Variants in DTL observed in about 807,000 individuals in gnomAD.
The protein encoded by DTL is denticleless E3 ubiquitin protein ligase adapter.
A neutral mutation model predicts 87.0 loss-of-function variants in DTL; 46 were observed. The ratio of observed to expected loss-of-function variants is 0.53; its 90% CI spans 0.42 to 0.68. The LOEUF (loss-of-function observed/expected upper bound fraction) is 0.68. Ranked by LOEUF, DTL falls within the 30% of genes least tolerant of loss-of-function variation. The probability of loss-of-function intolerance (pLI) is 0.00; values close to 1 mark genes in which losing one functional copy is unlikely to be tolerated. For synonymous variants in DTL, 308 were observed against 311.2 expected, an observed-to-expected ratio of 0.99 and a Z score of 0.11; for missense variants, 737 against 869.4, an observed-to-expected ratio of 0.85 and a Z score of 1.91.
chr1:212,060,878 A>G (rs1394654470), intron 5 of DTL, among the ~76,000 whole-genome samples: 1 of 152,218 alleles, frequency 6.6e-6, no homozygotes, highest in Non-Finnish European at 1.5e-5. Context: ...AGAACTCAAA[A>G]GCACAGACAA....
intron 13 of DTL, among the ~76,000 whole-genome samples, chr1:212,091,512 A>G (rs1363178851): frequency 6.6e-6 from 1 of 152,254 alleles, no homozygotes; most frequent in African/African-American, 2.4e-5. Flanking sequence ...TGTTCACTGC[A>G]GCACTATTCA....
intron 5 of DTL, among the ~76,000 whole-genome samples, chr1:212,056,199 C>A (rs1457195249): frequency 2.0e-5 from 3 of 152,218 alleles, no homozygotes; most frequent in Admixed American, 1.3e-4. Context: ...CAAGAATCTA[C>A]CTGCCTGGAT....
At chr1:212,056,709 G>A (rs79259228) in intron 5 of DTL, among the ~76,000 whole-genome samples, 8,740 of 152,192 alleles carry the variant, frequency 0.057, 278 homozygotes, top group Non-Finnish European at 0.073. Context: ...GAAGCTCAGT[G>A]AGAGAAAAGA....
At chr1:212,093,096 G>T (rs1005388606) in intron 13 of DTL, among the ~76,000 whole-genome samples, 7 of 151,962 alleles carry the variant, frequency 4.6e-5, no homozygotes, top group Non-Finnish European at 1.0e-4. Context: ...GGATTATTTG[G>T]TTTTTTTTCC....
chr1:212,075,942 A>G (rs1490231049), intron 11 of DTL, among the ~76,000 whole-genome samples: 1 of 152,196 alleles, frequency 6.6e-6, no homozygotes, highest in African/African-American at 2.4e-5. Context: ...TATTCTAGAC[A>G]TTTCATATAA....
intron 3 of DTL, among the ~76,000 whole-genome samples, chr1:212,045,924 T>TTTGTTG (rs10636026): frequency 0.018 from 2,662 of 150,742 alleles, 24 homozygotes; most frequent in Non-Finnish European, 0.022. Context: ...TGTTTTTGGT[T>TTTGTTG]TTGTTGTTGT....
At position 212,104,656 on chromosome 1, in the gene DTL, C is replaced by A. The variant is rs1481533716; in HGVS notation, c.*1716C>A. On this transcript the variant is annotated 3_prime_UTR_variant, in exon 15 of 15. Coordinates refer to ENST00000366991, the MANE Select transcript of DTL (RefSeq NM_016448.4). ...GTATCCCTACCCATCTCCTGGCAGCCCTACTGAGTGAAATTGGGATACATT... is the reference window on the plus strand; with the variant it reads ...GTATCCCTACCCATCTCCTGGCAGCACTACTGAGTGAAATTGGGATACATT... 5 of 152,060 alleles carry A rather than the reference C, an allele frequency of 3.3e-5. No individual in the cohort carries two copies. The highest frequency in any genetic ancestry group is 1.2e-4 in the African/African-American group (5 of 41,396). 9.4% of individuals were successfully genotyped at this position (152,060 alleles called of 1,614,324 possible).
intron 1 of DTL, 30 bp from the exon 2 acceptor site, chr1:212,042,963 G>A (rs371654574): frequency 9.9e-5 from 155 of 1,563,688 alleles, no homozygotes; most frequent in African/African-American, 4.4e-4. Flanking sequence ...ATGCTGTATT[G>A]GAATTCTATA....
Position 212,037,732 on chromosome 1 carries a change from G to A in DTL, c.52+1790G>A, listed in dbSNP as rs377166877. 3.2e-4 allele frequency among the ~76,000 whole-genome samples: 48 copies of A among 152,330 alleles called. 1 individual carries two copies. The highest frequency in any genetic ancestry group is 9.9e-4 in the African/African-American group (41 of 41,574). On this transcript the variant is annotated intron_variant, in intron 1 of 14. Transcript: ENST00000366991. Reference sequence around the variant, plus strand: ...GTGAGATAATTATCCAAGTTTTGGTGTATCAGCGAGTGACCTCGGTCATAG... The same window carrying A: ...GTGAGATAATTATCCAAGTTTTGGTATATCAGCGAGTGACCTCGGTCATAG...
intron 13 of DTL, among the ~76,000 whole-genome samples, chr1:212,081,850 T>C (rs1654998090): frequency 1.3e-5 from 2 of 152,132 alleles, no homozygotes; most frequent in African/African-American, 2.4e-5. Context: ...ACAGCTGGAG[T>C]TCCATTTGGA....
At chr1:212,053,838 A>G (rs1210048551) in intron 5 of DTL, among the ~76,000 whole-genome samples, 1 of 152,206 alleles carries the variant, frequency 6.6e-6, no homozygotes, top group African/African-American at 2.4e-5. Flanking sequence ...ATGGTTATGT[A>G]TCCTTTACAA....
chr1:212,081,561 G>C (rs532685649), intron 13 of DTL, among the ~76,000 whole-genome samples: 28 of 152,134 alleles, frequency 1.8e-4, no homozygotes, highest in Non-Finnish European at 3.8e-4. Context: ...AGGGGGTCAG[G>C]GTAAAAGCAA....
In DTL at chr1:212,049,344, G is replaced by A. The variant is rs6674117; in HGVS notation, c.460+1927G>A. ...TGCATAACTTTATTAACATATTTAA[G>A]TAGTTAGGTATGCTTGTGTTCTAGT... On this transcript the variant is annotated intron_variant, in intron 5 of 14. Transcript: ENST00000366991. 6.0e-3 allele frequency among the ~76,000 whole-genome samples: 911 copies of A among 152,298 alleles called. 8 individuals are homozygous for A. Among genetic ancestry groups the A allele is most frequent in the Non-Finnish European group, 0.01 (713 of 68,032 alleles).
chr1:212,058,408 G>A (rs1046966006), intron 5 of DTL, among the ~76,000 whole-genome samples: 1 of 152,108 alleles, frequency 6.6e-6, no homozygotes, highest in African/African-American at 2.4e-5. Flanking sequence ...AGGAAGTTTG[G>A]AAACTACAAA....
chr1:212,102,852 C>A lies in DTL; in HGVS notation c.2105C>A (p.Thr702Lys). ...GKKLPSPVTI[T>K]PSSMRKICTY... ...ACTTTCTTCTTCTAGGTCACCATCA[C>A]GCCCAGCTCCATGAGGAAAATCTGC... is the stretch of plus-strand genomic sequence containing the variant. The change falls in exon 15 of 15, where the codon ACG becomes AAG. Residue 702 changes from threonine (T) to lysine (K), a missense_variant. Transcript: ENST00000366991. The A allele has an allele frequency of 6.2e-7, 1 of 1,610,400 alleles. No individual in the cohort carries two copies. Among genetic ancestry groups the A allele is most frequent in the Non-Finnish European group, 8.5e-7 (1 of 1,177,296 alleles).
At position 212,103,141 on chromosome 1, in the gene DTL, C is replaced by A; in HGVS notation, c.*201C>A. 2.8e-6 allele frequency: 1 copy of A among 354,624 alleles called. No individual in the cohort carries two copies. The highest frequency in any genetic ancestry group is 5.1e-6 in the Non-Finnish European group (1 of 197,644). 22.0% of individuals were successfully genotyped at this position (354,624 alleles called of 1,614,324 possible). On this transcript the variant is annotated 3_prime_UTR_variant, in exon 15 of 15. Coordinates refer to ENST00000366991, the MANE Select transcript of DTL (RefSeq NM_016448.4). ...CTACCATAATGTATATGCAGCTTCC[C>A]GAGGATGAATGCTGTGTTTAAATTT...
At chr1:212,080,299 A>C (rs964158658) in intron 12 of DTL, 9 of 183,654 alleles carry the variant, frequency 4.9e-5, no homozygotes. Flanking sequence ...AGAGTGTCTT[A>C]ACTACATATT....
At chr1:212,036,713 G>A (rs767788100) in intron 1 of DTL, among the ~76,000 whole-genome samples, 3 of 152,164 alleles carry the variant, frequency 2.0e-5, no homozygotes, top group Non-Finnish European at 4.4e-5. Context: ...AGAGATTTGA[G>A]GTTAGATTTG....
At chr1:212,089,635 T>C (rs182114405) in intron 13 of DTL, among the ~76,000 whole-genome samples, 162 of 152,346 alleles carry the variant, frequency 1.1e-3, no homozygotes, top group African/African-American at 3.7e-3. Context: ...AAAAAACATA[T>C]ACACACACTT....
Sources: allele counts gnomAD v4.1 joint callset (sites outside exome capture counted in the v4.1 genomes callset), GRCh38; gene constraint gnomAD v4.1.1; transcripts MANE v1.5; gene names NCBI Gene and HGNC (gene_info 2026-07-23, HGNC 2026-07-21).